The following ADGRE2 variants were observed in gnomAD, a reference collection of about 807,000 sequenced individuals.
ADGRE2 encodes CD97 antigen.
ADGRE2 carries 83 observed loss-of-function variants against 100.8 expected under a neutral mutation model. The observed-to-expected ratio is 0.82, with a 90% CI of 0.69 to 0.99. The LOEUF (loss-of-function observed/expected upper bound fraction) is 0.99, where lower values mean the gene tolerates loss of function less well. Among genes scored for constraint, ADGRE2 ranks in the 50% least tolerant of loss-of-function variants. The probability of loss-of-function intolerance (pLI) is 0.00; values close to 1 mark genes in which losing one functional copy is unlikely to be tolerated. For missense variants in ADGRE2, 814 were observed against 1,035.7 expected (o/e 0.79, Z 2.94); for synonymous variants, 355 against 413.0 (o/e 0.86, Z 1.70).
intron 11 of ADGRE2, among the ~76,000 whole-genome samples, chr19:14,761,474 A>C (rs2043721342): frequency 6.6e-6 from 1 of 152,198 alleles, no homozygotes; most frequent in African/African-American, 2.4e-5. Flanking sequence ...ATAGAAGTTA[A>C]AAAGGAATTA....
At position 14,734,184 on chromosome 19, in the gene ADGRE2, G is replaced by C. The variant is rs1458139474; in HGVS notation, c.*2052C>G. On this transcript the variant is annotated 3_prime_UTR_variant, in exon 21 of 21. Coordinates refer to ENST00000315576, the MANE Select transcript of ADGRE2 (RefSeq NM_013447.4). ...CTGTTAGTGGGATGGCCTCAGGCAA[G>C]TCACTTAACATTCAGGATCTCAATT... is the stretch of plus-strand genomic sequence containing the variant. 6.6e-6 allele frequency: 1 copy of C among 152,222 alleles called. No homozygotes were observed. Among genetic ancestry groups the C allele is most frequent in the African/African-American group, 2.4e-5 (1 of 41,446 alleles). 9.4% of individuals were successfully genotyped at this position (152,222 alleles called of 1,614,324 possible).
intron 20 of ADGRE2, 66 bp downstream of exon 20, chr19:14,743,354 G>T: frequency 1.5e-6 from 2 of 1,305,822 alleles, no homozygotes; most frequent in Non-Finnish European, 2.2e-6. Flanking sequence ...GTTTCCTTGT[G>T]TGATAGGCAC....
chr19:14,724,902 T>C, the ADGRE2 span, among the ~76,000 whole-genome samples: 1 of 152,250 alleles, frequency 6.6e-6, no homozygotes, highest in Non-Finnish European at 1.5e-5. Flanking sequence ...TGCTATGTTC[T>C]TCATAAATGT....
chr19:14,739,552 T>C (rs1187343860), intron 20 of ADGRE2, among the ~76,000 whole-genome samples: 2 of 152,090 alleles, frequency 1.3e-5, no homozygotes, highest in Non-Finnish European at 2.9e-5. Flanking sequence ...ATATCTACAA[T>C]ATGAGGCAGG....
chr19:14,742,047 C>G, intron 20 of ADGRE2: 1 of 398,520 alleles, frequency 2.5e-6, no homozygotes, highest in East Asian at 3.6e-5. Flanking sequence ...CTTTGGCCTC[C>G]CAGAGTGCTG....
chr19:14,728,361 T>C (rs1419405807), downstream of ADGRE2, among the ~76,000 whole-genome samples: 3 of 152,344 alleles, frequency 2.0e-5, no homozygotes, highest in East Asian at 5.8e-4. Flanking sequence ...TGCTAGGGTG[T>C]GATGACAGTC....
At chr19:14,767,339 C>G (rs1054446578) in intron 5 of ADGRE2, among the ~76,000 whole-genome samples, 2 of 151,668 alleles carry the variant, frequency 1.3e-5, no homozygotes, top group Non-Finnish European at 2.9e-5. Flanking sequence ...CCCGGGTTCA[C>G]GCCATTCTCC....
intron 14 of ADGRE2, among the ~76,000 whole-genome samples, chr19:14,752,781 A>ATT (rs2043341872): frequency 1.6e-5 from 1 of 63,760 alleles, no homozygotes; most frequent in African/African-American, 8.8e-5. Flanking sequence ...ATGCCCTGCT[A>ATT]ATTTTTTTTT....
chr19:14,761,767 T>C (rs2043734483), intron 11 of ADGRE2, among the ~76,000 whole-genome samples: 1 of 152,060 alleles, frequency 6.6e-6, no homozygotes, highest in East Asian at 1.9e-4. Context: ...ATTTGCATAA[T>C]AAGATTAGGG....
rs200503456 is a variant in ADGRE2, at chr19:14,736,249, A to AAT, written c.2464-7_2464-6dup. Reference sequence around the variant, plus strand: ...CAGAAGATTTTTCTAGTTAACCTGAAATATATATATATGTATGTATTTTGT... The same window carrying AAT: ...CAGAAGATTTTTCTAGTTAACCTGAAATATATATATATATGTATGTATTTTGT... On this transcript the variant is annotated splice_region_variant and splice_polypyrimidine_tract_variant and intron_variant, in intron 20 of 20. Coordinates refer to ENST00000315576, the MANE Select transcript of ADGRE2 (RefSeq NM_013447.4). The AAT allele has an allele frequency of 4.7e-4, 723 of 1,532,682 alleles. No homozygotes were observed. The highest frequency in any genetic ancestry group is 3.0e-3 in the African/African-American group (224 of 73,444). The allele number at this position is 1,532,682 out of a possible 1,614,324, so 94.9% of individuals were successfully genotyped here.
intron 11 of ADGRE2, among the ~76,000 whole-genome samples, chr19:14,759,205 T>C (rs56905688): frequency 0.75 from 113,890 of 151,878 alleles, 43,265 homozygotes; most frequent in African/African-American, 0.85. Flanking sequence ...GTTGAACATG[T>C]CGGGCCCCCA....
intron 20 of ADGRE2, 41 bp downstream of exon 20, chr19:14,743,379 G>A (rs1344766473): frequency 5.9e-6 from 9 of 1,515,550 alleles, no homozygotes; most frequent in Non-Finnish European, 8.3e-6. Context: ...TCCTCAGGTG[G>A]GTCGGTTAGT....
chr19:14,777,478 A>G (rs1462650683), intron 1 of ADGRE2, among the ~76,000 whole-genome samples: 1 of 69,814 alleles, frequency 1.4e-5, no homozygotes, highest in Non-Finnish European at 3.1e-5. Flanking sequence ...TTTCTTTTTA[A>G]ATTAATTAAT....
chr19:14,751,807 T>A, intron 15 of ADGRE2, 136 bp from the exon 16 acceptor site: 1 of 653,386 alleles, frequency 1.5e-6, no homozygotes, highest in Non-Finnish European at 2.6e-6. Context: ...TGTAGTTGAG[T>A]CAGGCAATGG....
the ADGRE2 span, among the ~76,000 whole-genome samples, chr19:14,726,591 G>A: frequency 4.8e-4 from 73 of 152,200 alleles, no homozygotes; most frequent in Non-Finnish European, 9.0e-4. Flanking sequence ...AGAAGCAGCC[G>A]TGCCTCTCCT....
intron 11 of ADGRE2, 148 bp from the exon 12 acceptor site, chr19:14,756,493 T>C: frequency 3.2e-6 from 2 of 623,542 alleles, no homozygotes; most frequent in Non-Finnish European, 5.7e-6. Context: ...CAACTGTATA[T>C]CTACAAAGTA....
chr19:14,765,140 G>A (rs561280013), intron 10 of ADGRE2, among the ~76,000 whole-genome samples, 180 bp downstream of exon 10: 3 of 152,318 alleles, frequency 2.0e-5, no homozygotes, highest in South Asian at 2.1e-4. Flanking sequence ...GAAAGCAAGA[G>A]GAAAGATATT....
At position 14,764,508 on chromosome 19, in the gene ADGRE2, G is replaced by A; in HGVS notation, c.1009C>T (p.Leu337=). Residue 337 remains leucine, a synonymous_variant, in exon 11 of 21, where the codon CTA becomes TTA. Coordinates refer to ENST00000315576, the MANE Select transcript of ADGRE2 (RefSeq NM_013447.4). ...HCVASHLLDG[L]EDVLRGLSKN... ...CTCAGGCCTCTGAGGACATCCTCTA[G>A]GCCATCCAGCAGGTGACTGGCCACA... 1 of 1,613,092 alleles carries A rather than the reference G, an allele frequency of 6.2e-7. No individual in the cohort carries two copies. The highest frequency in any genetic ancestry group is 8.5e-7 in the Non-Finnish European group (1 of 1,179,988).
chr19:14,750,220 A>G (rs1221851868), intron 16 of ADGRE2, among the ~76,000 whole-genome samples: 3 of 146,284 alleles, frequency 2.1e-5, no homozygotes, highest in Admixed American at 6.9e-5. Flanking sequence ...AATTACATAG[A>G]TATATATTTA....
Sources: gnomAD v4.1 joint callset for allele counts (sites outside exome capture counted in the v4.1 genomes callset) on GRCh38, gnomAD v4.1.1 for gene constraint, MANE v1.5 for transcripts, NCBI Gene and HGNC (gene_info 2026-07-23, HGNC 2026-07-21) for gene names.